Variants in NPTX2 observed in about 807,000 individuals in gnomAD.
NPTX2 encodes neuronal pentraxin-2.
NPTX2 carries 23 observed loss-of-function variants against 38.1 expected under a neutral mutation model. That is an observed-to-expected ratio of 0.60 (90% CI 0.43 to 0.85). The LOEUF (loss-of-function observed/expected upper bound fraction) is 0.85, where lower values mean the gene tolerates loss of function less well. Ranked by LOEUF, NPTX2 falls within the 40% of genes least tolerant of loss-of-function variation. NPTX2 has a pLI of 0.00. For synonymous variants in NPTX2, 291 were observed against 287.3 expected (o/e 1.01, Z -0.13); for missense variants, 553 against 615.3 (o/e 0.90, Z 1.07).
chr7:98,626,080 G>A (rs1018692056), intron 3 of NPTX2, among the ~76,000 whole-genome samples: 2 of 149,454 alleles, frequency 1.3e-5, no homozygotes, highest in East Asian at 3.9e-4. Flanking sequence ...CCAGGATGTC[G>A]AGGCTGCAAT....
intron 2 of NPTX2, 55 bp from the exon 3 acceptor site, chr7:98,624,867 G>C (rs368111701): frequency 1.3e-6 from 2 of 1,572,598 alleles, no homozygotes; most frequent in Non-Finnish European, 1.7e-6. Flanking sequence ...GGCCGTGCTG[G>C]TGGGTGGTGG....
Position 98,628,488 on chromosome 7 carries a change from A to G in NPTX2, c.1155A>G (p.Ala385=). The G allele has an allele frequency of 6.2e-7, 1 of 1,611,920 alleles. No individual in the cohort carries two copies. ...ACATATGGGACCGCGTCCTTCGCGCACAAGAAATTGTCAACATCGCCAACT... is the reference window on the plus strand; with the variant it reads ...ACATATGGGACCGCGTCCTTCGCGCGCAAGAAATTGTCAACATCGCCAACT... ...QFNIWDRVLR[A]QEIVNIANCS... The change falls in exon 5 of 5, where the codon GCA becomes GCG. Residue 385 remains alanine (A), a synonymous_variant. Coordinates refer to ENST00000265634, the MANE Select transcript of NPTX2 (RefSeq NM_002523.3).
At chr7:98,622,651 G>T (rs1334819707) in intron 2 of NPTX2, among the ~76,000 whole-genome samples, 2 of 152,198 alleles carry the variant, frequency 1.3e-5, no homozygotes, top group African/African-American at 4.8e-5. Context: ...GGACACTCTG[G>T]TTCTCTCTCT....
chr7:98,628,684 G>C lies in NPTX2; in HGVS notation c.*55G>C, dbSNP rs1791394400. 1.1e-5 allele frequency: 9 copies of C among 835,318 alleles called. No homozygotes were observed. In the South Asian group the frequency reaches 1.6e-4, roughly 14 times the overall value. 51.7% of individuals were successfully genotyped at this position (835,318 alleles called of 1,614,324 possible). A position where few individuals can be genotyped will look rare whatever the true frequency, so the allele number is the denominator to read the frequency against. ...ATCAGGCTGTTGCCATGGAAGTTCA[G>C]GGCCATAGACTGCCCCACTTAAACT... On this transcript the variant is annotated 3_prime_UTR_variant, in exon 5 of 5. Transcript: ENST00000265634.
intron 2 of NPTX2, among the ~76,000 whole-genome samples, chr7:98,620,561 G>A (rs1204530788): frequency 2.0e-5 from 3 of 152,194 alleles, no homozygotes; most frequent in Non-Finnish European, 4.4e-5. Context: ...AGAAAAAGGT[G>A]AGTATGGCTT....
intron 1 of NPTX2, 133 bp from the exon 2 acceptor site, chr7:98,619,510 C>T (rs1244848984): frequency 4.3e-6 from 3 of 702,690 alleles, no homozygotes; most frequent in Non-Finnish European, 7.5e-6. Flanking sequence ...AGATGCTCCC[C>T]TGCCTGCCAG....
intron 1 of NPTX2, among the ~76,000 whole-genome samples, chr7:98,618,595 T>TCCCCCCCCCCCCCCCCCCCCCCC (rs1221869556): frequency 1.4e-4 from 4 of 29,130 alleles, no homozygotes; most frequent in Admixed American, 4.0e-4. Flanking sequence ...TCCCCCTCCG[T>TCCCCCCCCCCCCCCCCCCCCCCC]CCCCCCCCCC....
chr7:98,627,462 C>T, intron 4 of NPTX2, 118 bp downstream of exon 4: 1 of 798,832 alleles, frequency 1.3e-6, no homozygotes, highest in East Asian at 2.7e-5. Flanking sequence ...GAGGCCAGGC[C>T]TGCAGCTGTT....
At chr7:98,621,450 C>T (rs960302915) in intron 2 of NPTX2, among the ~76,000 whole-genome samples, 12 of 152,212 alleles carry the variant, frequency 7.9e-5, no homozygotes, top group African/African-American at 2.2e-4. Context: ...CTGTGAGCTC[C>T]ACCAACTCAG....
chr7:98,618,731 T>G (rs1791224748), intron 1 of NPTX2, among the ~76,000 whole-genome samples: 1 of 151,970 alleles, frequency 6.6e-6, no homozygotes, highest in Non-Finnish European at 1.5e-5. Flanking sequence ...GTGTGGACAC[T>G]GCTGTTAATA....
chr7:98,627,932 A>G lies in NPTX2; in HGVS notation c.1069-470A>G, dbSNP rs1042591812. On this transcript the variant is annotated intron_variant, in intron 4 of 4. Coordinates refer to ENST00000265634, the MANE Select transcript of NPTX2 (RefSeq NM_002523.3). The stretch of plus-strand genomic sequence containing the variant: ...ACCTCAAAGTGCCCTCAAGAAACTT[A>G]CCATCTAGGGGAGGGAATGGCTAAG... Among the ~76,000 whole-genome samples, 68 of 152,186 alleles carry G rather than the reference A, an allele frequency of 4.5e-4. 1 individual carries two copies. The highest frequency in any genetic ancestry group is 1.4e-3 in the African/African-American group (59 of 41,448).
intron 1 of NPTX2, among the ~76,000 whole-genome samples, chr7:98,618,569 T>TCCCCCCCCCCCCCCCCCCC (rs145792464): frequency 6.6e-5 from 2 of 30,094 alleles, no homozygotes; most frequent in African/African-American, 1.6e-4. Context: ...TCTCTCTCTC[T>TCCCCCCCCCCCCCCCCCCC]CCCCCCCTCC....
chr7:98,619,935 T>A (rs1791247873), intron 2 of NPTX2, 76 bp downstream of exon 2: 2 of 1,308,152 alleles, frequency 1.5e-6, no homozygotes, highest in Non-Finnish European at 2.2e-6. Flanking sequence ...CGATTCTGGT[T>A]GATGGACAGC....
intron 3 of NPTX2, among the ~76,000 whole-genome samples, chr7:98,626,612 C>G (rs1197769734): frequency 6.6e-6 from 1 of 152,200 alleles, no homozygotes; most frequent in Non-Finnish European, 1.5e-5. Flanking sequence ...CGCGGTGGTT[C>G]ATAGGCGAGC....
chr7:98,621,026 G>T (rs1244286933), intron 2 of NPTX2, among the ~76,000 whole-genome samples: 1 of 152,142 alleles, frequency 6.6e-6, no homozygotes, highest in Non-Finnish European at 1.5e-5. Context: ...AGTGGGACAT[G>T]TATCTTTTGG....
In NPTX2 at chr7:98,625,186, C is replaced by A. The variant is rs1222076132; in HGVS notation, c.888+20C>A. ...GACAAGGTGAGGCCCGCCTGCACCGCCACCCTCCCCAGAACCCATCATGTG... is the reference window on the plus strand; with the variant it reads ...GACAAGGTGAGGCCCGCCTGCACCGACACCCTCCCCAGAACCCATCATGTG... On this transcript the variant is annotated intron_variant, in intron 3 of 4. Coordinates refer to ENST00000265634, the MANE Select transcript of NPTX2 (RefSeq NM_002523.3). 2 of 1,566,062 alleles carry A rather than the reference C, an allele frequency of 1.3e-6. No individual in the cohort carries two copies. Among genetic ancestry groups the A allele is most frequent in the Non-Finnish European group, 1.7e-6 (2 of 1,152,228 alleles).
chr7:98,625,073 C>G lies in NPTX2; in HGVS notation c.795C>G (p.Gly265=). ...GGTCCAGCGCCTCACCAGGCATTGG[C>G]ACCCCCTTCTCCTATGCGGTGCCAG... is the stretch of plus-strand genomic sequence containing the variant. ...WLRSSASPGI[G]TPFSYAVPGQ... is the part of the protein sequence containing the mutation. Residue 265 remains glycine, a synonymous_variant, in exon 3 of 5, where the codon GGC becomes GGG. Transcript: ENST00000265634. 1 of 1,613,366 alleles carries G rather than the reference C, an allele frequency of 6.2e-7. No homozygotes were observed. Among genetic ancestry groups the G allele is most frequent in the Non-Finnish European group, 8.5e-7 (1 of 1,179,954 alleles).
chr7:98,620,730 G>A (rs1396573499), intron 2 of NPTX2, among the ~76,000 whole-genome samples: 1 of 152,130 alleles, frequency 6.6e-6, no homozygotes, highest in African/African-American at 2.4e-5. Flanking sequence ...GCACAGGTGA[G>A]CGTGGCTCCG....
At chr7:98,621,868 G>A (rs2115618148) in intron 2 of NPTX2, among the ~76,000 whole-genome samples, 1 of 152,364 alleles carries the variant, frequency 6.6e-6, no homozygotes, top group Non-Finnish European at 1.5e-5. Flanking sequence ...AGAGCTGGGA[G>A]TGAAGTTGGT....
Sources: gnomAD v4.1 joint callset for allele counts (sites outside exome capture counted in the v4.1 genomes callset) on GRCh38, gnomAD v4.1.1 for gene constraint, MANE v1.5 for transcripts, NCBI Gene and HGNC (gene_info 2026-07-23, HGNC 2026-07-21) for gene names.